The following FAM110B variants were observed in gnomAD, a reference collection of about 807,000 sequenced individuals.
FAM110B encodes the protein protein FAM110B.
A neutral mutation model predicts 20.4 loss-of-function variants in FAM110B; 6 were observed. The observed-to-expected ratio is 0.29, with a 90% CI of 0.16 to 0.58. FAM110B has a LOEUF of 0.58. Among genes scored for constraint, FAM110B ranks in the 20% least tolerant of loss-of-function variants. The probability of loss-of-function intolerance (pLI) is 0.90; values close to 1 mark genes in which losing one functional copy is unlikely to be tolerated. For missense variants in FAM110B, 434 were observed against 498.2 expected (o/e 0.87, Z 1.23); for synonymous variants, 226 against 214.1 (o/e 1.06, Z -0.49).
intron 3 of FAM110B, among the ~76,000 whole-genome samples, chr8:58,107,233 T>C (rs1229156011): frequency 1.3e-5 from 2 of 152,264 alleles, no homozygotes; most frequent in African/African-American, 4.8e-5. Flanking sequence ...AACTTGACTT[T>C]CTAATATTTG....
intron 2 of FAM110B, chr8:58,043,419 C>A (rs1805258514): frequency 6.6e-6 from 1 of 151,618 alleles, no homozygotes; most frequent in South Asian, 2.1e-4. Context: ...TAATCAAGAG[C>A]CTTCATTTTC....
At chr8:58,098,428 C>G (rs1304361575) in intron 3 of FAM110B, among the ~76,000 whole-genome samples, 1 of 152,232 alleles carries the variant, frequency 6.6e-6, no homozygotes, top group African/African-American at 2.4e-5. Flanking sequence ...GGACTTCAGA[C>G]TGCTGTGCTG....
Position 58,006,919 on chromosome 8 carries a change from A to T in FAM110B, c.-512+12113A>T, listed in dbSNP as rs868165717. Among the ~76,000 whole-genome samples the T allele has an allele frequency of 8.0e-3, 819 of 102,784 alleles. 27 individuals carry two copies. The highest frequency in any genetic ancestry group is 0.052 in the East Asian group (169 of 3,240). The allele number at this position is 102,784 out of a possible 152,430, so 67.4% of individuals were successfully genotyped here. On this transcript the variant is annotated intron_variant, in intron 1 of 3. Coordinates refer to ENST00000519262, the MANE Select transcript of FAM110B (RefSeq NM_001377989.1). ...TTAATTGGTATATATATATATATATATATATTTTTCCAAAACCAGAGTTTG... is the reference window on the plus strand; with the variant it reads ...TTAATTGGTATATATATATATATATTTATATTTTTCCAAAACCAGAGTTTG...
At chr8:58,074,597 T>C (rs561444635) in intron 2 of FAM110B, among the ~76,000 whole-genome samples, 5 of 152,110 alleles carry the variant, frequency 3.3e-5, no homozygotes, top group African/African-American at 1.2e-4. Flanking sequence ...AGATCAGAGG[T>C]TTTTCGTCTT....
intron 3 of FAM110B, among the ~76,000 whole-genome samples, chr8:58,106,884 C>T (rs1228415527): frequency 1.3e-5 from 2 of 152,184 alleles, no homozygotes; most frequent in South Asian, 2.1e-4. Context: ...TTGTCAGTTA[C>T]TGTTTTATAG....
intron 3 of FAM110B, among the ~76,000 whole-genome samples, chr8:58,130,612 G>C (rs182740756): frequency 6.6e-6 from 1 of 152,322 alleles, no homozygotes; most frequent in East Asian, 1.9e-4. Flanking sequence ...ACAGGGAATT[G>C]TGTCTCTTCC....
rs1804481916 is a variant in FAM110B, at chr8:58,009,404, G to T, written c.-512+14598G>T. On this transcript the variant is annotated intron_variant, in intron 1 of 3. Transcript: ENST00000519262. The stretch of plus-strand genomic sequence containing the variant: ...TCACTGTACAGTGTAGGGGCCACGG[G>T]ACACGTGGCTGCCCAGCACTGGAAA... Among the ~76,000 whole-genome samples, 6 of 152,220 alleles carry T rather than the reference G, an allele frequency of 3.9e-5. No homozygotes were observed. In the South Asian group the frequency reaches 1.2e-3, roughly 32 times the overall value.
At chr8:58,077,486 G>A (rs539987305) in intron 3 of FAM110B, among the ~76,000 whole-genome samples, 6 of 152,308 alleles carry the variant, frequency 3.9e-5, no homozygotes, top group African/African-American at 1.2e-4. Context: ...AGTGGCCAGG[G>A]AAGAACTACA....
At chr8:58,015,291 A>T (rs1804615727) in intron 1 of FAM110B, among the ~76,000 whole-genome samples, 1 of 152,008 alleles carries the variant, frequency 6.6e-6, no homozygotes, top group Non-Finnish European at 1.5e-5. Context: ...CTGGAGGTGG[A>T]GGTTGCAGTG....
intron 3 of FAM110B, among the ~76,000 whole-genome samples, chr8:58,086,837 A>T (rs1806350387): frequency 6.6e-6 from 1 of 152,244 alleles, no homozygotes; most frequent in Non-Finnish European, 1.5e-5. Flanking sequence ...ATAGCTCCGT[A>T]CTGTCATGAC....
At chr8:58,139,293 T>C (rs1399723055) in intron 3 of FAM110B, among the ~76,000 whole-genome samples, 2 of 152,204 alleles carry the variant, frequency 1.3e-5, no homozygotes, top group African/African-American at 2.4e-5. Context: ...CTGATGGCAA[T>C]GCTAAGGTCA....
chr8:58,035,543 G>A (rs1805060697), intron 2 of FAM110B, among the ~76,000 whole-genome samples: 1 of 152,204 alleles, frequency 6.6e-6, no homozygotes, highest in Non-Finnish European at 1.5e-5. Context: ...ACCTTAGAAA[G>A]TGAATGTGTC....
intron 2 of FAM110B, among the ~76,000 whole-genome samples, chr8:58,066,492 T>TGGCCA (rs1805765134): frequency 2.0e-5 from 3 of 152,178 alleles, no homozygotes. Context: ...TTTCAGTCTG[T>TGGCCA]TCCAGGCCAT....
intron 1 of FAM110B, among the ~76,000 whole-genome samples, chr8:58,020,914 C>G (rs1442406985): frequency 1.3e-5 from 2 of 152,076 alleles, no homozygotes; most frequent in Non-Finnish European, 2.9e-5. Flanking sequence ...GAGGCGTCCT[C>G]AGATAAGGAA....
chr8:58,100,549 A>G (rs1464765802), intron 3 of FAM110B, among the ~76,000 whole-genome samples: 1 of 152,182 alleles, frequency 6.6e-6, no homozygotes. Flanking sequence ...AATCTGTTCC[A>G]TGCCTCTCCC....
intron 2 of FAM110B, among the ~76,000 whole-genome samples, chr8:58,037,168 C>T (rs1170260959): frequency 6.6e-6 from 1 of 152,012 alleles, no homozygotes; most frequent in Non-Finnish European, 1.5e-5. Context: ...GATCAACCTA[C>T]AAACCTACTA....
Position 58,076,483 on chromosome 8 carries a change from C to T in FAM110B, c.-325+860C>T, listed in dbSNP as rs1402736736. ...GCCTGGGAATGGCAGGGTGCTTTTC[C>T]CCACGTCCCCACCACTCCCAGGACT... On this transcript the variant is annotated intron_variant, in intron 3 of 3. Transcript: ENST00000519262. Among the ~76,000 whole-genome samples the T allele has an allele frequency of 2.6e-5, 4 of 152,152 alleles. No homozygotes were observed. In the East Asian group the frequency reaches 7.7e-4, roughly 29 times the overall value.
intron 3 of FAM110B, among the ~76,000 whole-genome samples, chr8:58,136,002 CCT>C (rs1491425244): frequency 8.5e-6 from 1 of 117,260 alleles, no homozygotes; most frequent in Admixed American, 1.2e-4. Flanking sequence ...GCCAGCAAGT[CCT>C]TTTTTTTTTT....
intron 3 of FAM110B, among the ~76,000 whole-genome samples, chr8:58,134,144 A>G (rs947334278): frequency 6.6e-6 from 1 of 152,274 alleles, no homozygotes; most frequent in African/African-American, 2.4e-5. Context: ...TCTTTTCAGA[A>G]TATACTTAAG....
Sources: allele counts gnomAD v4.1 joint callset (sites outside exome capture counted in the v4.1 genomes callset), GRCh38; gene constraint gnomAD v4.1.1; transcripts MANE v1.5; gene names NCBI Gene and HGNC (gene_info 2026-07-23, HGNC 2026-07-21).